DCAF8L2: variants seen among roughly 807,000 people sequenced by gnomAD.
DCAF8L2 encodes DDB1- and CUL4-associated factor 8-like protein 2.
For synonymous variants in DCAF8L2, 200 were observed against 190.9 expected, an observed-to-expected ratio of 1.05 and a Z score of -0.39; for missense variants, 430 against 490.7, an observed-to-expected ratio of 0.88 and a Z score of 1.17.
chrX:27,545,805 T>C, the DCAF8L2 span, among the ~76,000 whole-genome samples: 1 of 111,842 alleles, frequency 8.9e-6, no homozygotes, highest in Non-Finnish European at 1.9e-5. Context: ...GCACATCTTA[T>C]ATGGGAGCAG....
chrX:27,472,463 G>A, the DCAF8L2 span, among the ~76,000 whole-genome samples: 1 of 111,422 alleles, frequency 9.0e-6, no homozygotes, highest in Non-Finnish European at 1.9e-5. Flanking sequence ...GTGTGCCATG[G>A]TGGTTTGCTG....
the DCAF8L2 span, among the ~76,000 whole-genome samples, chrX:27,488,542 TGTGTGTGTGTGTGTGTGTGTGC>T: frequency 1.3e-5 from 1 of 78,634 alleles, no homozygotes; most frequent in Non-Finnish European, 2.3e-5. Flanking sequence ...TGTGTGTGTG[TGTGTGTGTGTGTGTGTGTGTGC>T]GCTTTCATAT....
rs183869409 is a variant in DCAF8L2 at position 27,697,030 on chromosome X, T to A, written c.-142-19058T>A. 1.2e-3 allele frequency among the ~76,000 whole-genome samples: 134 copies of A among 111,195 alleles called. 3 individuals are homozygous for A. Among genetic ancestry groups the A allele is most frequent in the African/African-American group, 4.2e-3 (127 of 30,374 alleles). Reference sequence around the variant, plus strand: ...GCACTACTGCATGTGCCATGAAGAGTTTTAACATATTTTCTTTTAAATGTA... The same window carrying A: ...GCACTACTGCATGTGCCATGAAGAGATTTAACATATTTTCTTTTAAATGTA... On this transcript the variant is annotated intron_variant, in intron 3 of 4. Transcript: ENST00000451261.
the DCAF8L2 span, among the ~76,000 whole-genome samples, chrX:27,568,798 T>C: frequency 9.2e-6 from 1 of 108,494 alleles, no homozygotes; most frequent in Non-Finnish European, 1.9e-5. Flanking sequence ...ATTAGGTATA[T>C]CTCCTAATGC....
chrX:27,574,965 G>A, the DCAF8L2 span, among the ~76,000 whole-genome samples: 1 of 112,120 alleles, frequency 8.9e-6, no homozygotes. Flanking sequence ...AAGGACAGAG[G>A]GCTTTCTGTA....
At position 27,644,559 on chromosome X, in the gene DCAF8L2, G is replaced by A. The variant is rs147382923; in HGVS notation, c.-220+12559G>A. On this transcript the variant is annotated intron_variant, in intron 2 of 4. Transcript: ENST00000451261. Reference sequence around the variant, plus strand: ...ATATGCTGGATAAATATGACCAACAGGTATTTAATTACATAGCTCAGCTTT... The same window carrying A: ...ATATGCTGGATAAATATGACCAACAAGTATTTAATTACATAGCTCAGCTTT... 7.4e-3 allele frequency among the ~76,000 whole-genome samples: 816 copies of A among 110,426 alleles called. 6 individuals carry two copies. Among genetic ancestry groups the A allele is most frequent in the African/African-American group, 0.026 (781 of 30,274 alleles).
At chrX:27,582,377 A>G in the DCAF8L2 span, among the ~76,000 whole-genome samples, 2 of 111,204 alleles carry the variant, frequency 1.8e-5, no homozygotes, top group East Asian at 5.7e-4. Flanking sequence ...TCAGGATCCA[A>G]TGTACTATCC....
At chrX:27,684,764 A>C (rs992557843) in intron 3 of DCAF8L2, among the ~76,000 whole-genome samples, 4 of 111,606 alleles carry the variant, frequency 3.6e-5, no homozygotes, top group Non-Finnish European at 5.7e-5. Context: ...TAGGCCATCA[A>C]GTCCAAGCTA....
intron 3 of DCAF8L2, among the ~76,000 whole-genome samples, chrX:27,694,661 C>G (rs755208604): frequency 1.8e-5 from 2 of 111,518 alleles, no homozygotes; most frequent in Non-Finnish European, 3.8e-5. Context: ...TAATTAAAGA[C>G]TTAAGATCAT....
chrX:27,548,489 G>C, the DCAF8L2 span, among the ~76,000 whole-genome samples: 8 of 111,565 alleles, frequency 7.2e-5, no homozygotes, highest in African/African-American at 2.6e-4. Flanking sequence ...TAATCAAAAG[G>C]TTCAGGATCC....
chrX:27,540,285 G>A, the DCAF8L2 span, among the ~76,000 whole-genome samples: 1 of 111,630 alleles, frequency 9.0e-6, no homozygotes, highest in South Asian at 3.7e-4. Flanking sequence ...AACATTTACA[G>A]CACACCTATT....
intron 1 of DCAF8L2, among the ~76,000 whole-genome samples, chrX:27,623,115 GAA>G (rs1435517829): frequency 9.0e-5 from 10 of 111,522 alleles, no homozygotes; most frequent in African/African-American, 3.3e-4. Context: ...CTCACTGCTG[GAA>G]ACTTTTTGAT....
intron 4 of DCAF8L2, among the ~76,000 whole-genome samples, chrX:27,729,935 G>C (rs1352027253): frequency 8.9e-6 from 1 of 112,048 alleles, no homozygotes; most frequent in African/African-American, 3.2e-5. Context: ...AAAGTAAGAG[G>C]CTTCATGGTT....
At chrX:27,478,058 G>T in the DCAF8L2 span, among the ~76,000 whole-genome samples, 1 of 111,108 alleles carries the variant, frequency 9.0e-6, no homozygotes, top group African/African-American at 3.3e-5. Flanking sequence ...GTGTCATTCT[G>T]TTATTTTGGG....
rs759521005 is a variant in DCAF8L2 at position 27,747,327 on chromosome X, G to GGAA, written c.439_441dup (p.Glu147dup). On this transcript the variant is annotated inframe_insertion, in exon 5 of 5. Coordinates refer to ENST00000451261, the MANE Select transcript of DCAF8L2 (RefSeq NM_001353450.2). ...AGGAGGAGGAGGAGGAGGAGGAGGA[G>GGAA]GAAGAAGAACAGCCTCGGGCGGGTC... is the stretch of plus-strand genomic sequence containing the variant. The GGAA allele has an allele frequency of 3.3e-4, 371 of 1,121,295 alleles. No individual in the cohort carries two copies. In the East Asian group the frequency reaches 3.9e-3, roughly 12 times the overall value. The allele number at this position is 1,121,295 out of a possible 1,213,427, so 92.4% of individuals were successfully genotyped here.
Position 27,747,320 on chromosome X carries a change from AGGAGGAGG to A in DCAF8L2, c.426_433del (p.Glu143ArgfsTer16). Reference sequence around the variant, plus strand: ...GAGGAGGAGGAGGAGGAGGAGGAGGAGGAGGAGGAAGAAGAACAGCCTCGGGCGGGTCC... The same window carrying A: ...GAGGAGGAGGAGGAGGAGGAGGAGGAAAGAAGAACAGCCTCGGGCGGGTCC... On this transcript the variant is annotated frameshift_variant, in exon 5 of 5. Coordinates refer to ENST00000451261, the MANE Select transcript of DCAF8L2 (RefSeq NM_001353450.2). LOFTEE classifies it low-confidence loss of function (END_TRUNC). The A allele has an allele frequency of 8.7e-7, 1 of 1,147,966 alleles. No individual in the cohort carries two copies. The highest frequency in any genetic ancestry group is 1.2e-6 in the Non-Finnish European group (1 of 864,417). 94.6% of individuals were successfully genotyped at this position (1,147,966 alleles called of 1,213,427 possible).
At chrX:27,725,359 G>A (rs1003278578) in intron 4 of DCAF8L2, among the ~76,000 whole-genome samples, 1 of 110,861 alleles carries the variant, frequency 9.0e-6, no homozygotes, top group African/African-American at 3.3e-5. Context: ...TACTATTTAA[G>A]TATTAAGATA....
the DCAF8L2 span, among the ~76,000 whole-genome samples, chrX:27,485,920 T>TTC: frequency 2.5e-5 from 2 of 79,993 alleles, no homozygotes; most frequent in Non-Finnish European, 4.7e-5. Flanking sequence ...GGAATTCTTT[T>TTC]TCTCTTTTTT....
At chrX:27,735,555 T>G (rs757336469) in intron 4 of DCAF8L2, among the ~76,000 whole-genome samples, 1 of 112,498 alleles carries the variant, frequency 8.9e-6, no homozygotes, top group Admixed American at 9.4e-5. Flanking sequence ...ATTTGTACTT[T>G]TAAATGTGTC....
Sources: allele counts gnomAD v4.1 joint callset (sites outside exome capture counted in the v4.1 genomes callset), GRCh38; gene constraint gnomAD v4.1.1; transcripts MANE v1.5; gene names NCBI Gene and HGNC (gene_info 2026-07-23, HGNC 2026-07-21).